The following CFAP221 variants were observed in gnomAD, a reference collection of about 807,000 sequenced individuals.
CFAP221 encodes the protein cilia- and flagella-associated protein 221.
Under a neutral mutation model 113.1 loss-of-function variants are expected in CFAP221, and 97 were observed. The observed-to-expected ratio is 0.86, with a 90% CI of 0.73 to 1.02. The LOEUF is 1.02. CFAP221 is among the 50% of genes least tolerant of loss of function. CFAP221 has a pLI of 0.00. For missense variants in CFAP221, 1,025 were observed against 1,013.4 expected (o/e 1.01, Z -0.16); for synonymous variants, 331 against 354.4 (o/e 0.93, Z 0.74).
chr2:119,625,607 A>C lies in CFAP221; in HGVS notation c.1435A>C (p.Asn479His). The C allele has an allele frequency of 6.2e-7, 1 of 1,613,520 alleles. No individual in the cohort carries two copies. Among genetic ancestry groups the C allele is most frequent in the Non-Finnish European group, 8.5e-7 (1 of 1,179,462 alleles). Residue 479 changes from asparagine (N) to histidine (H), a missense_variant, in exon 15 of 24, where the codon AAT becomes CAT. Physicochemically the swap from Asn to His is moderately conservative, Grantham distance 68. Coordinates refer to ENST00000413369, the MANE Select transcript of CFAP221 (RefSeq NM_001271049.2). ...RKVMIQGRLF[N>H]MLSAVREMDK... The stretch of plus-strand genomic sequence containing the variant: ...GGTCATGATTCAGGGACGATTATTC[A>C]ATATGCTGAGTGCTGTTCGTGAAAT...
In CFAP221 at chr2:119,630,361, A is replaced by C. The variant is rs111913199; in HGVS notation, c.1732-209A>C. Among the ~76,000 whole-genome samples, 262 of 152,318 alleles carry C rather than the reference A, an allele frequency of 1.7e-3. 1 individual carries two copies. The highest frequency in any genetic ancestry group is 5.8e-3 in the African/African-American group (240 of 41,566). On this transcript the variant is annotated intron_variant, in intron 17 of 23. Coordinates refer to ENST00000413369, the MANE Select transcript of CFAP221 (RefSeq NM_001271049.2). ...TATGGTTGAGTAATCATGAACACTC[A>C]TGTGTGCTGAAACCCAGAACAGGGC...
chr2:119,631,157 G>T, intron 19 of CFAP221: 1 of 930,528 alleles, frequency 1.1e-6, no homozygotes, highest in Non-Finnish European at 1.4e-6. Context: ...GTACATATAG[G>T]CCAAAGAAGA....
chr2:119,566,741 T>C (rs888991149), intron 6 of CFAP221, among the ~76,000 whole-genome samples: 1 of 152,156 alleles, frequency 6.6e-6, no homozygotes, highest in African/African-American at 2.4e-5. Flanking sequence ...CACACCCCAC[T>C]CAGAGGCAAC....
At chr2:119,616,127 G>A (rs1036353077) in intron 14 of CFAP221, among the ~76,000 whole-genome samples, 2 of 152,186 alleles carry the variant, frequency 1.3e-5, no homozygotes, top group Admixed American at 1.3e-4. Context: ...GGGGCACAGT[G>A]TAATGTTTCA....
chr2:119,560,249 G>C (rs1487204213), intron 5 of CFAP221, among the ~76,000 whole-genome samples: 1 of 152,158 alleles, frequency 6.6e-6, no homozygotes, highest in African/African-American at 2.4e-5. Flanking sequence ...CCTGGACAGA[G>C]TCAGGAGACG....
intron 11 of CFAP221, among the ~76,000 whole-genome samples, chr2:119,605,887 A>C (rs546373598): frequency 6.6e-6 from 1 of 152,318 alleles, no homozygotes; most frequent in Admixed American, 6.5e-5. Context: ...GTCACATAAA[A>C]AAGATATGGT....
chr2:119,595,363 G>C (rs950256501), intron 7 of CFAP221, among the ~76,000 whole-genome samples: 1 of 152,192 alleles, frequency 6.6e-6, no homozygotes, highest in Non-Finnish European at 1.5e-5. Context: ...TGGTAGTCAG[G>C]CTTTTTGTTT....
intron 22 of CFAP221, among the ~76,000 whole-genome samples, chr2:119,649,496 G>A (rs992525710): frequency 1.3e-5 from 2 of 152,148 alleles, no homozygotes; most frequent in Non-Finnish European, 2.9e-5. Context: ...GAGACAGAAC[G>A]CAAGAACAGT....
intron 6 of CFAP221, among the ~76,000 whole-genome samples, chr2:119,569,240 TCTC>T (rs752603800): frequency 3.9e-5 from 6 of 152,042 alleles, no homozygotes; most frequent in Non-Finnish European, 7.4e-5. Flanking sequence ...TTCACACCAT[TCTC>T]CTGCCTCAGG....
chr2:119,551,476 A>T (rs774784104), intron 3 of CFAP221, among the ~76,000 whole-genome samples: 1 of 152,148 alleles, frequency 6.6e-6, no homozygotes, highest in African/African-American at 2.4e-5. Context: ...TTCAACTTCA[A>T]TCTTTTGCAT....
rs1686684420 is a variant in CFAP221, at chr2:119,630,425, C to T, written c.1732-145C>T. 7 of 655,006 alleles carry T rather than the reference C, an allele frequency of 1.1e-5. No individual in the cohort carries two copies. In the South Asian group the frequency reaches 1.4e-4, roughly 13 times the overall value. 40.6% of individuals were successfully genotyped at this position (655,006 alleles called of 1,614,324 possible). A position where few individuals can be genotyped will look rare whatever the true frequency, so the allele number is the denominator to read the frequency against. ...TAAAGTCTGTGCAGTCTGGTCCAAACCAACAATAGCCACAATCCGATGACT... is the reference window on the plus strand; with the variant it reads ...TAAAGTCTGTGCAGTCTGGTCCAAATCAACAATAGCCACAATCCGATGACT... On this transcript the variant is annotated intron_variant, in intron 17 of 23. Coordinates refer to ENST00000413369, the MANE Select transcript of CFAP221 (RefSeq NM_001271049.2).
intron 6 of CFAP221, among the ~76,000 whole-genome samples, chr2:119,584,173 C>T (rs1205894240): frequency 1.3e-5 from 2 of 151,708 alleles, no homozygotes; most frequent in Admixed American, 1.3e-4. Context: ...ATTGATAAAA[C>T]TGACTACCTT....
intron 23 of CFAP221, among the ~76,000 whole-genome samples, chr2:119,654,519 T>G (rs1015826405): frequency 6.6e-6 from 1 of 152,202 alleles, no homozygotes; most frequent in Non-Finnish European, 1.5e-5. Context: ...GTCTTCACTC[T>G]TCATACCATG....
In CFAP221 at chr2:119,609,174, A is replaced by G. The variant is rs1684978085; in HGVS notation, c.1221+585A>G. ...CCCATGGCCTCACCATGCTTTGAAGATGGTTGTTACCTACACACAGGTGCA... is the reference window on the plus strand; with the variant it reads ...CCCATGGCCTCACCATGCTTTGAAGGTGGTTGTTACCTACACACAGGTGCA... On this transcript the variant is annotated intron_variant, in intron 12 of 23. Transcript: ENST00000413369. 1.3e-5 allele frequency among the ~76,000 whole-genome samples: 2 copies of G among 152,180 alleles called. 1 individual carries two copies. The highest frequency in any genetic ancestry group is 4.8e-5 in the African/African-American group (2 of 41,440).
chr2:119,657,837 G>A (rs1688490048), downstream of CFAP221, among the ~76,000 whole-genome samples: 1 of 152,172 alleles, frequency 6.6e-6, no homozygotes, highest in African/African-American at 2.4e-5. Flanking sequence ...CCCAAGACTA[G>A]GGTGAGGTTA....
rs189218427 is a variant in CFAP221, at chr2:119,632,687, G to C, written c.1974+1786G>C. On this transcript the variant is annotated intron_variant, in intron 19 of 23. Transcript: ENST00000413369. ...CCCAGATTTGAAAAGAAGACATAAAGCTGTCTTTATTTACAAAAAAAAAAA... is the reference window on the plus strand; with the variant it reads ...CCCAGATTTGAAAAGAAGACATAAACCTGTCTTTATTTACAAAAAAAAAAA... Among the ~76,000 whole-genome samples, 29 of 109,594 alleles carry C rather than the reference G, an allele frequency of 2.6e-4. No homozygotes were observed. The South Asian group carries it at 3.4e-3, about 13-fold the overall frequency. 71.9% of individuals were successfully genotyped at this position (109,594 alleles called of 152,430 possible).
intron 7 of CFAP221, among the ~76,000 whole-genome samples, chr2:119,593,099 G>C (rs1683706569): frequency 6.6e-6 from 1 of 152,164 alleles, no homozygotes; most frequent in Non-Finnish European, 1.5e-5. Context: ...CCAATTATGT[G>C]TGTATGTTGG....
rs774336589 is a variant in CFAP221 at position 119,638,245 on chromosome 2, CCT to C, written c.1975-13_1975-12del. 2.0e-5 allele frequency: 32 copies of C among 1,612,760 alleles called. No homozygotes were observed. In the South Asian group the frequency reaches 2.7e-4, roughly 14 times the overall value. ...GGTAAACAGAAAAGAATATTTTTTC[CCT>C]GTCTTCGGCAGAATCCCAACCCAGG... On this transcript the variant is annotated splice_polypyrimidine_tract_variant and intron_variant, in intron 19 of 23. Coordinates refer to ENST00000413369, the MANE Select transcript of CFAP221 (RefSeq NM_001271049.2).
In CFAP221 at chr2:119,628,294, GGTGT is replaced by G. The variant is rs70949303; in HGVS notation, c.1650+545_1650+548del. On this transcript the variant is annotated intron_variant, in intron 16 of 23. Transcript: ENST00000413369. ...CTTCTCTCTCTCTCTCTCTCTGGGG[GGTGT>G]GTGTGTGTGTGTGTGTGTGTGTGTG... 9.5e-4 allele frequency among the ~76,000 whole-genome samples: 131 copies of G among 137,582 alleles called. 1 individual carries two copies. The highest frequency in any genetic ancestry group is 3.8e-3 in the Middle Eastern group (1 of 262). 90.3% of individuals were successfully genotyped at this position (137,582 alleles called of 152,430 possible).
Sources: gnomAD v4.1 joint callset for allele counts (sites outside exome capture counted in the v4.1 genomes callset) on GRCh38, gnomAD v4.1.1 for gene constraint, MANE v1.5 for transcripts, NCBI Gene and HGNC (gene_info 2026-07-23, HGNC 2026-07-21) for gene names.